HECW2: variants seen among roughly 807,000 people sequenced by gnomAD.
HECW2 encodes the protein E3 ubiquitin-protein ligase HECW2.
A neutral mutation model predicts 175.2 loss-of-function variants in HECW2; 61 were observed. The ratio of observed to expected loss-of-function variants is 0.35; its 90% confidence interval spans 0.28 to 0.43. The LOEUF (loss-of-function observed/expected upper bound fraction) is 0.43. HECW2 is among the 20% of genes least tolerant of loss of function. HECW2 has a pLI of 1.00. For missense variants in HECW2, 1,524 were observed against 2,000.5 expected (o/e 0.76, Z 4.54); for synonymous variants, 671 against 731.0 (o/e 0.92, Z 1.32).
chr2:196,474,726 T>A (rs1369055858), intron 1 of HECW2, among the ~76,000 whole-genome samples: 2 of 152,218 alleles, frequency 1.3e-5, no homozygotes, highest in Non-Finnish European at 2.9e-5. Flanking sequence ...CCATCTTTTT[T>A]TAGGATTGAT....
chr2:196,506,455 G>A (rs1241900519), intron 1 of HECW2, among the ~76,000 whole-genome samples: 2 of 152,110 alleles, frequency 1.3e-5, no homozygotes, highest in Non-Finnish European at 1.5e-5. Flanking sequence ...ATGAAATGAT[G>A]CTGAATGAAA....
intron 24 of HECW2, among the ~76,000 whole-genome samples, chr2:196,221,326 G>T (rs908145818): frequency 6.6e-6 from 1 of 152,160 alleles, no homozygotes; most frequent in African/African-American, 2.4e-5. Context: ...TTACACTCAA[G>T]TGAATGTTAA....
At chr2:196,474,940 C>T (rs147162762) in intron 1 of HECW2, among the ~76,000 whole-genome samples, 59 of 152,288 alleles carry the variant, frequency 3.9e-4, no homozygotes, top group Admixed American at 1.4e-3. Context: ...TATCATCACA[C>T]GCCCGCACCT....
At chr2:196,283,042 T>C (rs113454482) in intron 14 of HECW2, among the ~76,000 whole-genome samples, 24,706 of 151,756 alleles carry the variant, frequency 0.16, 2,155 homozygotes, top group Middle Eastern at 0.23. Flanking sequence ...AGGCGGATCA[T>C]GAGGTCAGGA....
intron 28 of HECW2, among the ~76,000 whole-genome samples, chr2:196,206,704 C>T (rs1408918158): frequency 1.3e-5 from 2 of 152,150 alleles, no homozygotes; most frequent in African/African-American, 2.4e-5. Context: ...GGCAAAAAGA[C>T]CCTCTAAAGT....
intron 1 of HECW2, among the ~76,000 whole-genome samples, chr2:196,517,586 T>A (rs1021077467): frequency 1.3e-5 from 2 of 152,210 alleles, no homozygotes; most frequent in African/African-American, 2.4e-5. Flanking sequence ...AGTATCAGTA[T>A]CCAATTAGAA....
At chr2:196,476,246 C>A (rs536586493) in intron 1 of HECW2, among the ~76,000 whole-genome samples, 70 of 152,104 alleles carry the variant, frequency 4.6e-4, no homozygotes, top group African/African-American at 1.7e-3. Flanking sequence ...GAGTTTGAGA[C>A]CAGCCTGGCC....
chr2:196,553,826 A>T (rs1403518970), intron 1 of HECW2, among the ~76,000 whole-genome samples: 1 of 148,678 alleles, frequency 6.7e-6, no homozygotes, highest in Non-Finnish European at 1.5e-5. Flanking sequence ...CTTGAGCCTC[A>T]GTAATATCCA....
intron 1 of HECW2, among the ~76,000 whole-genome samples, chr2:196,436,099 G>C (rs1695862462): frequency 6.6e-6 from 1 of 152,110 alleles, no homozygotes; most frequent in African/African-American, 2.4e-5. Context: ...ACACTGACAA[G>C]AGCCATTCCC....
chr2:196,317,171 C>A, intron 10 of HECW2, 103 bp downstream of exon 10: 1 of 900,878 alleles, frequency 1.1e-6, no homozygotes, highest in Non-Finnish European at 1.8e-6. Context: ...ATTCCTTCCG[C>A]TTGAAGACCA....
Position 196,201,062 on chromosome 2 carries a change from T to C in HECW2, c.*215A>G, listed in dbSNP as rs553942077. 2.4e-5 allele frequency: 12 copies of C among 497,804 alleles called. No individual in the cohort carries two copies. The East Asian group carries it at 2.6e-4, about 11-fold the overall frequency. 30.8% of individuals were successfully genotyped at this position (497,804 alleles called of 1,614,324 possible). A position where few individuals can be genotyped will look rare whatever the true frequency, so the allele number is the denominator to read the frequency against. Reference sequence around the variant, plus strand: ...TCAAGAACTGTTGATTGAAAGACGGTTGGGTTGTTCCCTGGGCATCAAGCT... The same window carrying C: ...TCAAGAACTGTTGATTGAAAGACGGCTGGGTTGTTCCCTGGGCATCAAGCT... On this transcript the variant is annotated 3_prime_UTR_variant, in exon 29 of 29. Coordinates refer to ENST00000644978, the MANE Select transcript of HECW2 (RefSeq NM_001348768.2).
At chr2:196,400,338 C>T (rs185717661) in intron 2 of HECW2, among the ~76,000 whole-genome samples, 6 of 152,096 alleles carry the variant, frequency 3.9e-5, no homozygotes, top group African/African-American at 9.7e-5. Context: ...GAAGGATTTT[C>T]GTGTTGGCGG....
chr2:196,452,073 A>T (rs1019467748), intron 1 of HECW2, among the ~76,000 whole-genome samples: 2 of 152,212 alleles, frequency 1.3e-5, no homozygotes, highest in African/African-American at 4.8e-5. Flanking sequence ...CCAATTCAGG[A>T]ACAAGCATAC....
intron 2 of HECW2, among the ~76,000 whole-genome samples, chr2:196,418,702 T>C (rs1293886263): frequency 6.6e-6 from 1 of 152,204 alleles, no homozygotes; most frequent in Admixed American, 6.5e-5. Context: ...GTTATTTCTA[T>C]TTAAACATAA....
At chr2:196,257,434 G>GC (rs1559468679) in intron 18 of HECW2, among the ~76,000 whole-genome samples, 6 of 49,372 alleles carry the variant, frequency 1.2e-4, no homozygotes, top group Non-Finnish European at 3.2e-4. Context: ...CAGCAAAAGG[G>GC]GACAAAACAT....
At chr2:196,215,805 C>A in intron 28 of HECW2, 60 bp downstream of exon 28, 1 of 1,192,034 alleles carries the variant, frequency 8.4e-7, no homozygotes, top group Admixed American at 1.7e-5. Flanking sequence ...TCAATATATA[C>A]ATAAATGAAT....
intron 28 of HECW2, among the ~76,000 whole-genome samples, chr2:196,204,049 A>G (rs1410551351): frequency 6.6e-6 from 1 of 152,166 alleles, no homozygotes; most frequent in African/African-American, 2.4e-5. Context: ...TTCCTTTTTA[A>G]GGCTGAATAA....
intron 4 of HECW2, among the ~76,000 whole-genome samples, chr2:196,333,028 C>T (rs780662315): frequency 2.0e-5 from 3 of 152,152 alleles, no homozygotes; most frequent in East Asian, 1.9e-4. Flanking sequence ...CTGCCTGCAA[C>T]GCTCTTCCCT....
intron 15 of HECW2, among the ~76,000 whole-genome samples, chr2:196,274,616 G>GTTA (rs1274045516): frequency 6.6e-6 from 1 of 152,168 alleles, no homozygotes; most frequent in Non-Finnish European, 1.5e-5. Context: ...CTTCATGTGG[G>GTTA]GTTTCGAGTT....
Sources: gnomAD v4.1 joint callset for allele counts (sites outside exome capture counted in the v4.1 genomes callset) on GRCh38, gnomAD v4.1.1 for gene constraint, MANE v1.5 for transcripts, NCBI Gene and HGNC (gene_info 2026-07-23, HGNC 2026-07-21) for gene names.